The following CSMD2 variants were observed in gnomAD, a reference collection of about 807,000 sequenced individuals.
CSMD2 encodes the protein CUB and Sushi multiple domains 2, also known as CUB and sushi domain-containing protein 2.
CSMD2 carries 130 observed loss-of-function variants against 398.5 expected under a neutral mutation model. That is an observed-to-expected ratio of 0.33 (90% CI 0.28 to 0.38). The LOEUF (loss-of-function observed/expected upper bound fraction) is 0.38. CSMD2 is among the 10% of genes least tolerant of loss of function. The pLI, the probability that CSMD2 is intolerant of heterozygous loss-of-function variation, is 1.00. For synonymous variants in CSMD2, 1,828 were observed against 1,908.5 expected, an observed-to-expected ratio of 0.96 and a Z score of 1.10; for missense variants, 3,829 against 4,764.9, an observed-to-expected ratio of 0.80 and a Z score of 5.78.
At chr1:33,965,437 G>T (rs545794080) in intron 3 of CSMD2, among the ~76,000 whole-genome samples, 2 of 152,310 alleles carry the variant, frequency 1.3e-5, no homozygotes, top group East Asian at 3.9e-4. Context: ...CCTCTTGGGT[G>T]CTGGTGACCC....
rs372170838 is a variant in CSMD2 at position 33,583,789 on chromosome 1, C to T, written c.7093G>A (p.Val2365Met). ...CCAGGGTAGCTCTGGCTCAGGATCA[C>T]GCCTGTGGAGTCTGTCAGAAGCTCA... ...TNELLTDSTG[V>M]ILSQSYPGSY... The change falls in exon 47 of 71, where the codon GTG becomes ATG. Residue 2365 changes from valine to methionine, a missense_variant. Val to Met is a conservative substitution (Grantham distance 21). Transcript: ENST00000373381. 6.9e-5 allele frequency: 111 copies of T among 1,614,028 alleles called. No individual in the cohort carries two copies. The highest frequency in any genetic ancestry group is 8.6e-5 in the Non-Finnish European group (102 of 1,180,032).
chr1:34,119,064 T>C (rs1065964), intron 1 of CSMD2, among the ~76,000 whole-genome samples: 60,659 of 152,010 alleles, frequency 0.4, 12,692 homozygotes, highest in East Asian at 0.68. Flanking sequence ...CAGTATAGCA[T>C]TGGACTAAAG....
intron 12 of CSMD2, among the ~76,000 whole-genome samples, 194 bp from the exon 13 acceptor site, chr1:33,772,945 T>A (rs1189116443): frequency 6.6e-6 from 1 of 152,194 alleles, no homozygotes; most frequent in African/African-American, 2.4e-5. Flanking sequence ...CATCGCAGCA[T>A]CCTAGGATGA....
intron 13 of CSMD2, among the ~76,000 whole-genome samples, chr1:33,749,324 C>T (rs555902486): frequency 2.6e-5 from 4 of 152,124 alleles, no homozygotes; most frequent in African/African-American, 9.6e-5. Context: ...TGGTCTCGAT[C>T]TCCTGACCTC....
intron 12 of CSMD2, among the ~76,000 whole-genome samples, chr1:33,782,186 C>T (rs1310215061): frequency 1.4e-5 from 2 of 139,188 alleles, no homozygotes; most frequent in African/African-American, 2.5e-5. Flanking sequence ...CAGCTACCCG[C>T]CCCCCAACCC....
intron 3 of CSMD2, among the ~76,000 whole-genome samples, chr1:34,028,413 TTAAC>T (rs1360357145): frequency 1.3e-5 from 2 of 152,208 alleles, no homozygotes; most frequent in Non-Finnish European, 2.9e-5. Flanking sequence ...AAAATTCAGA[TTAAC>T]TGAGTGCCCT....
intron 4 of CSMD2, among the ~76,000 whole-genome samples, chr1:33,921,435 T>C (rs1394063039): frequency 1.1e-4 from 16 of 152,290 alleles, no homozygotes; most frequent in Admixed American, 1.0e-3. Context: ...GATTTGCCAA[T>C]ATTGTTCCGA....
intron 3 of CSMD2, among the ~76,000 whole-genome samples, chr1:33,959,004 T>A (rs1023010645): frequency 4.6e-5 from 7 of 152,188 alleles, no homozygotes; most frequent in Non-Finnish European, 1.0e-4. Context: ...CTCGACTCCC[T>A]GCTGACCTGT....
chr1:33,876,416 C>T (rs1640845655), intron 5 of CSMD2, among the ~76,000 whole-genome samples: 3 of 152,182 alleles, frequency 2.0e-5, no homozygotes, highest in Admixed American at 6.5e-5. Flanking sequence ...ATAATGGCAA[C>T]ACCAAAAGCT....
chr1:33,719,420 C>T (rs1646281649), intron 19 of CSMD2, among the ~76,000 whole-genome samples: 1 of 152,204 alleles, frequency 6.6e-6, no homozygotes, highest in Non-Finnish European at 1.5e-5. Flanking sequence ...GAGCAAACAT[C>T]TGAGCTGAAA....
At chr1:33,663,293 G>A (rs1246731655) in intron 25 of CSMD2, among the ~76,000 whole-genome samples, 1 of 152,158 alleles carries the variant, frequency 6.6e-6, no homozygotes, top group Admixed American at 6.5e-5. Context: ...GGGGCCTCCA[G>A]CAATGGGGAC....
At chr1:33,935,146 T>C (rs1263230687) in intron 4 of CSMD2, among the ~76,000 whole-genome samples, 1 of 150,286 alleles carries the variant, frequency 6.7e-6, no homozygotes, top group Non-Finnish European at 1.5e-5. Flanking sequence ...TGAAACTGAG[T>C]GGGTTTCCAG....
intron 1 of CSMD2, among the ~76,000 whole-genome samples, chr1:34,155,838 C>CTTCCAAG (rs1302150438): frequency 6.6e-6 from 1 of 152,200 alleles, no homozygotes; most frequent in Non-Finnish European, 1.5e-5. Flanking sequence ...TTTTAAAGAG[C>CTTCCAAG]TTCCAAGTCC....
At chr1:33,609,773 T>A (rs894043896) in intron 41 of CSMD2, among the ~76,000 whole-genome samples, 2 of 152,010 alleles carry the variant, frequency 1.3e-5, no homozygotes, top group African/African-American at 4.8e-5. Flanking sequence ...GGAATACATA[T>A]TGAATTGTTG....
chr1:33,792,721 G>C lies in CSMD2; in HGVS notation c.1447-195C>G, dbSNP rs189696898. On this transcript the variant is annotated intron_variant, in intron 10 of 70. Transcript: ENST00000373381. ...TCTCTCCAGGCCATGCAGTCTCCAG[G>C]GCCCCCTGATGTTTCTGAAGATGTT... 9.9e-5 allele frequency among the ~76,000 whole-genome samples: 15 copies of C among 152,240 alleles called. No homozygotes were observed. In the East Asian group the frequency reaches 2.7e-3, roughly 27 times the overall value.
intron 1 of CSMD2, among the ~76,000 whole-genome samples, chr1:34,108,963 C>T (rs932709115): frequency 3.9e-5 from 6 of 152,102 alleles, no homozygotes; most frequent in Non-Finnish European, 7.4e-5. Context: ...GACTTGAAAT[C>T]AGAAAGCATG....
intron 55 of CSMD2, among the ~76,000 whole-genome samples, chr1:33,555,880 A>G (rs1467885405): frequency 6.6e-6 from 1 of 152,188 alleles, no homozygotes; most frequent in Non-Finnish European, 1.5e-5. Context: ...TGGACTTGCA[A>G]TATCTCCAAT....
intron 41 of CSMD2, chr1:33,605,711 G>A: frequency 1.3e-6 from 1 of 753,404 alleles, no homozygotes. Context: ...ACTGGCACAT[G>A]GTGAAAGCTC....
chr1:33,718,921 G>GC (rs1646263396), intron 19 of CSMD2, among the ~76,000 whole-genome samples: 1 of 152,218 alleles, frequency 6.6e-6, no homozygotes, highest in Non-Finnish European at 1.5e-5. Flanking sequence ...CAAAGATGCA[G>GC]CTTGTAAATA....
Sources: gnomAD v4.1 joint callset for allele counts (sites outside exome capture counted in the v4.1 genomes callset) on GRCh38, gnomAD v4.1.1 for gene constraint, MANE v1.5 for transcripts, NCBI Gene and HGNC (gene_info 2026-07-23, HGNC 2026-07-21) for gene names.